The following ZMYM2 variants were observed in gnomAD, a reference collection of about 807,000 sequenced individuals.
The protein encoded by ZMYM2 is zinc finger MYM-type containing 2.
In ZMYM2, 56 loss-of-function variants were observed where a neutral mutation model predicts 162.8. The ratio of observed to expected loss-of-function variants is 0.34; its 90% CI spans 0.28 to 0.43. The LOEUF is 0.43. Among genes scored for constraint, ZMYM2 ranks in the 20% least tolerant of loss-of-function variants. ZMYM2 has a pLI of 1.00. For synonymous variants in ZMYM2, 510 were observed against 541.6 expected, an observed-to-expected ratio of 0.94 and a Z score of 0.81; for missense variants, 1,275 against 1,621.8, an observed-to-expected ratio of 0.79 and a Z score of 3.67.
intron 6 of ZMYM2, among the ~76,000 whole-genome samples, chr13:20,016,363 A>G (rs1031426659): frequency 3.3e-5 from 5 of 152,152 alleles, no homozygotes; most frequent in African/African-American, 4.8e-5. Context: ...TTTTGTGTGC[A>G]TATTTGTCTT....
chr13:20,020,969 C>T (rs1952031996), intron 7 of ZMYM2, among the ~76,000 whole-genome samples: 1 of 150,966 alleles, frequency 6.6e-6, no homozygotes, highest in Non-Finnish European at 1.5e-5. Context: ...AACATCTTTG[C>T]CTACTGTTTA....
chr13:20,037,055 CT>C, intron 12 of ZMYM2, 146 bp downstream of exon 12: 1 of 673,414 alleles, frequency 1.5e-6, no homozygotes. Context: ...TTAAAATTGT[CT>C]TGTCATTTCT....
At chr13:20,006,721 A>G (rs1159458986) in intron 6 of ZMYM2, 135 bp downstream of exon 6, 1 of 946,434 alleles carries the variant, frequency 1.1e-6, no homozygotes, top group Non-Finnish European at 1.6e-6. Flanking sequence ...TTGTCATATC[A>G]TGGAGCATAC....
chr13:19,918,970 T>G, the ZMYM2 span, among the ~76,000 whole-genome samples: 133 of 152,280 alleles, frequency 8.7e-4, no homozygotes, highest in African/African-American at 3.1e-3. Flanking sequence ...AACTGTTCTA[T>G]CACCTCAAAG....
chr13:20,072,457 G>A (rs151184261), intron 21 of ZMYM2, among the ~76,000 whole-genome samples: 3,576 of 152,256 alleles, frequency 0.023, 65 homozygotes, highest in Middle Eastern at 0.041. Flanking sequence ...GGAGGCGGAG[G>A]TTGCAGTGAG....
chr13:20,011,154 T>C (rs1277558496), intron 6 of ZMYM2, among the ~76,000 whole-genome samples: 2 of 152,190 alleles, frequency 1.3e-5, no homozygotes, highest in Non-Finnish European at 1.5e-5. Context: ...CATTCTATAG[T>C]GCTATGGAAC....
chr13:19,888,468 C>CA, the ZMYM2 span, among the ~76,000 whole-genome samples: 10 of 151,846 alleles, frequency 6.6e-5, no homozygotes, highest in Non-Finnish European at 5.9e-5. Flanking sequence ...GCAATACAGG[C>CA]ATGAGCCACC....
chr13:19,989,769 C>T (rs1250444501), intron 2 of ZMYM2, among the ~76,000 whole-genome samples: 1 of 152,190 alleles, frequency 6.6e-6, no homozygotes, highest in East Asian at 1.9e-4. Flanking sequence ...TTTCTGTGCC[C>T]ATTAACCCCC....
chr13:19,983,288 G>C (rs145680671), intron 2 of ZMYM2, among the ~76,000 whole-genome samples: 1 of 152,048 alleles, frequency 6.6e-6, no homozygotes, highest in Non-Finnish European at 1.5e-5. Flanking sequence ...GGAATTACAG[G>C]TGTGTGCCAT....
chr13:20,056,172 A>T (rs1278005922), intron 14 of ZMYM2, among the ~76,000 whole-genome samples: 2 of 152,228 alleles, frequency 1.3e-5, no homozygotes, highest in Non-Finnish European at 2.9e-5. Flanking sequence ...AACTCTTGAT[A>T]CACAGAGCTC....
At chr13:19,967,532 A>G (rs1284988966) in intron 2 of ZMYM2, among the ~76,000 whole-genome samples, 1 of 152,232 alleles carries the variant, frequency 6.6e-6, no homozygotes, top group African/African-American at 2.4e-5. Flanking sequence ...ATTGTTGCAG[A>G]AGTATATACA....
intron 6 of ZMYM2, among the ~76,000 whole-genome samples, chr13:20,010,455 G>C (rs1951081986): frequency 6.6e-6 from 1 of 152,070 alleles, no homozygotes; most frequent in African/African-American, 2.4e-5. Flanking sequence ...TGCCTGCCTT[G>C]GCCTTCCAAA....
the ZMYM2 span, among the ~76,000 whole-genome samples, chr13:19,881,357 C>G: frequency 6.6e-6 from 1 of 151,928 alleles, no homozygotes; most frequent in Non-Finnish European, 1.5e-5. Flanking sequence ...TGCGGTGGCT[C>G]ACATCTGTAA....
At chr13:20,062,765 G>T in intron 17 of ZMYM2, 81 bp from the exon 18 acceptor site, 2 of 1,322,760 alleles carry the variant, frequency 1.5e-6, no homozygotes, top group South Asian at 1.8e-5. Context: ...AAAATTAAAT[G>T]ACTTGCTTTT....
rs923923410 is a variant in ZMYM2, at chr13:20,011,573, G to T, written c.1512+4987G>T. Reference sequence around the variant, plus strand: ...GATGTGCAGAAGTTTTTATTTTTTTGTTTTATTTTTTTTTTTTTTGAGGGG... The same window carrying T: ...GATGTGCAGAAGTTTTTATTTTTTTTTTTTATTTTTTTTTTTTTTGAGGGG... On this transcript the variant is annotated intron_variant, in intron 6 of 24. Coordinates refer to ENST00000610343, the MANE Select transcript of ZMYM2 (RefSeq NM_197968.4). Among the ~76,000 whole-genome samples, 93 of 144,228 alleles carry T rather than the reference G, an allele frequency of 6.4e-4. 1 individual carries two copies. The highest frequency in any genetic ancestry group is 1.9e-3 in the African/African-American group (74 of 37,986). 94.6% of individuals were successfully genotyped at this position (144,228 alleles called of 152,430 possible). A position where few individuals can be genotyped will look rare whatever the true frequency, so the allele number is the denominator to read the frequency against.
At chr13:19,888,081 T>C in the ZMYM2 span, among the ~76,000 whole-genome samples, 1 of 151,822 alleles carries the variant, frequency 6.6e-6, no homozygotes, top group Admixed American at 6.6e-5. Flanking sequence ...AATTTCTCCA[T>C]GTTCCCAGCT....
chr13:19,956,778 C>T (rs1259987069), upstream of ZMYM2, among the ~76,000 whole-genome samples: 1 of 152,172 alleles, frequency 6.6e-6, no homozygotes, highest in Non-Finnish European at 1.5e-5. Context: ...CTTTAGTCTT[C>T]TAAATGTAAA....
intron 3 of ZMYM2, among the ~76,000 whole-genome samples, chr13:19,995,003 A>AG (rs539742151): frequency 8.4e-4 from 1 of 1,188 alleles, no homozygotes; most frequent in Non-Finnish European, 7.9e-3. Context: ...TGGCTAAATT[A>AG]AAAAAAAAAA....
chr13:19,957,926 G>A (rs1391966541), upstream of ZMYM2, among the ~76,000 whole-genome samples: 3 of 152,238 alleles, frequency 2.0e-5, no homozygotes, highest in Admixed American at 6.5e-5. Context: ...AGCAGCCGGG[G>A]TTGTTCCCTT....
Sources: gnomAD v4.1 joint callset for allele counts (sites outside exome capture counted in the v4.1 genomes callset) on GRCh38, gnomAD v4.1.1 for gene constraint, MANE v1.5 for transcripts, NCBI Gene and HGNC (gene_info 2026-07-23, HGNC 2026-07-21) for gene names.